The following UNG variants were observed in gnomAD, a reference collection of about 807,000 sequenced individuals.
UNG encodes uracil-DNA glycosylase.
In UNG, 34 loss-of-function variants were observed where a neutral mutation model predicts 36.5. The ratio of observed to expected loss-of-function variants is 0.93; its 90% CI spans 0.71 to 1.24. The LOEUF is 1.24. UNG is among the 50% of genes most tolerant of loss of function. The probability of loss-of-function intolerance (pLI) is 0.00; values close to 1 mark genes in which losing one functional copy is unlikely to be tolerated. For missense variants in UNG, 391 were observed against 397.6 expected, an observed-to-expected ratio of 0.98 and a Z score of 0.14; for synonymous variants, 172 against 157.8, an observed-to-expected ratio of 1.09 and a Z score of -0.67.
At chr12:109,106,921 A>ATATATATGTG (rs2042221453) in intron 6 of UNG, among the ~76,000 whole-genome samples, 2 of 39,414 alleles carry the variant, frequency 5.1e-5, no homozygotes, top group African/African-American at 2.4e-4. Flanking sequence ...ATATATGTGT[A>ATATATATGTG]TATATATATA....
intron 4 of UNG, 126 bp downstream of exon 4, chr12:109,102,125 G>A: frequency 1.2e-6 from 1 of 837,664 alleles, no homozygotes; most frequent in Non-Finnish European, 2.0e-6. Context: ...CTCGGCCTCA[G>A]CACCATTGAC....
intron 6 of UNG, among the ~76,000 whole-genome samples, chr12:109,109,180 TGAG>T (rs890741651): frequency 5.9e-5 from 9 of 152,176 alleles, no homozygotes; most frequent in African/African-American, 1.2e-4. Flanking sequence ...GTTAATAAGT[TGAG>T]GAGTTTATCT....
rs754041228 is a variant in UNG at position 109,099,160 on chromosome 12, A to AT, written c.340-25dup. ...TCTTATGGTTTCCAATGAGAATCTG[A>AT]TTTTAAGTCTAGTTTATCTTTAAAT... On this transcript the variant is annotated intron_variant, in intron 2 of 6. Transcript: ENST00000242576. The AT allele has an allele frequency of 1.9e-6, 3 of 1,593,874 alleles. No homozygotes were observed. The African/African-American group carries it at 4.0e-5, about 21-fold the overall frequency.
intron 6 of UNG, among the ~76,000 whole-genome samples, chr12:109,104,453 T>A (rs1181692652): frequency 4.6e-5 from 7 of 152,088 alleles, no homozygotes; most frequent in Non-Finnish European, 1.0e-4. Context: ...CCTCCCTCTT[T>A]CCCTTCACTC....
rs1555265461 is a variant in UNG, at chr12:109,109,781, A to AAAAAT, written c.802-48_802-47insAAAAT. Reference sequence around the variant, plus strand: ...TCTGTCTCAAAAAAAAAAAAAAAAAATTTAAAAAGTCCCAAATCTGCCACC... The same window carrying AAAAAT: ...TCTGTCTCAAAAAAAAAAAAAAAAAAAAAATTTTAAAAAGTCCCAAATCTGCCACC... On this transcript the variant is annotated intron_variant, in intron 6 of 6. Transcript: ENST00000242576. The AAAAAT allele has an allele frequency of 0.01, 16,273 of 1,563,444 alleles. 737 individuals carry two copies. The African/African-American group carries it at 0.14, about 13-fold the overall frequency.
chr12:109,109,161 A>G (rs1017266318), intron 6 of UNG, among the ~76,000 whole-genome samples: 1 of 152,192 alleles, frequency 6.6e-6, no homozygotes, highest in Non-Finnish European at 1.5e-5. Flanking sequence ...TGTTAACCCC[A>G]TCCATTGTGT....
chr12:109,100,312 G>A (rs972261442), intron 3 of UNG, among the ~76,000 whole-genome samples: 23 of 152,156 alleles, frequency 1.5e-4, no homozygotes, highest in Non-Finnish European at 2.9e-5. Flanking sequence ...GAGCTGCTAC[G>A]ATGCATTTAG....
chr12:109,102,741 G>GTA, intron 4 of UNG, 98 bp from the exon 5 acceptor site: 1 of 996,646 alleles, frequency 1.0e-6, no homozygotes, highest in South Asian at 1.3e-5. Context: ...AGGGCTGGCT[G>GTA]TAACTTCTAA....
In UNG at chr12:109,109,918, T is replaced by G; in HGVS notation, c.891T>G (p.Asn297Lys). 2 of 1,614,144 alleles carry G rather than the reference T, an allele frequency of 1.2e-6. No homozygotes were observed. Among genetic ancestry groups the G allele is most frequent in the Non-Finnish European group, 1.7e-6 (2 of 1,180,038 alleles). The part of the protein sequence containing the change: ...FFGCRHFSKT[N>K]ELLQKSGKKP... ...GATGTAGACACTTTTCAAAGACCAA[T>G]GAGCTGCTGCAGAAGTCTGGCAAGA... Residue 297 changes from asparagine to lysine, a missense_variant, in exon 7 of 7, where the codon AAT becomes AAG. Transcript: ENST00000242576.
chr12:109,108,299 T>A (rs906315881), intron 6 of UNG, among the ~76,000 whole-genome samples: 1 of 152,216 alleles, frequency 6.6e-6, no homozygotes, highest in African/African-American at 2.4e-5. Flanking sequence ...ATAACCATAC[T>A]TTGAGCACTC....
At chr12:109,098,408 C>A in intron 1 of UNG, 24 bp from the exon 2 acceptor site, 3 of 1,602,858 alleles carry the variant, frequency 1.9e-6, no homozygotes, top group Non-Finnish European at 2.6e-6. Flanking sequence ...GCTCTTGAGC[C>A]GCCTCTGCGG....
chr12:109,098,013 C>T, intron 1 of UNG: 3 of 1,283,590 alleles, frequency 2.3e-6, no homozygotes, highest in Admixed American at 6.2e-5. Flanking sequence ...GAACGCGTCT[C>T]GGGGCCCATG....
intron 4 of UNG, among the ~76,000 whole-genome samples, chr12:109,102,210 C>T (rs1451003059): frequency 6.6e-6 from 1 of 152,166 alleles, no homozygotes; most frequent in African/African-American, 2.4e-5. Context: ...GTGCCACATC[C>T]CTGGCCTCTA....
chr12:109,100,958 C>T (rs3219221), intron 3 of UNG, among the ~76,000 whole-genome samples: 1,716 of 152,018 alleles, frequency 0.011, 34 homozygotes, highest in African/African-American at 0.038. Flanking sequence ...CAACACCTCC[C>T]GTGACAGGAA....
At position 109,098,462 on chromosome 12, in the gene UNG, CAGG is replaced by C; in HGVS notation, c.169_171del (p.Glu57del). 1.2e-6 allele frequency: 2 copies of C among 1,611,318 alleles called. No homozygotes were observed. Among genetic ancestry groups the C allele is most frequent in the Non-Finnish European group, 1.7e-6 (2 of 1,179,088 alleles). On this transcript the variant is annotated inframe_deletion, in exon 2 of 7. Transcript: ENST00000242576. The stretch of plus-strand genomic sequence containing the variant: ...CCCAGCCAAGAAGGCCCCGGCTGGG[CAGG>C]AGGAGCCTGGGACGCCGCCCTCCTC...
chr12:109,102,837 A>T lies in UNG; in HGVS notation c.534-2A>T. On this transcript the variant is annotated splice_acceptor_variant, in intron 4 of 6. Coordinates refer to ENST00000242576, the MANE Select transcript of UNG (RefSeq NM_080911.3). LOFTEE classifies it high-confidence loss of function. ...TTTGTTTTTCTTGTGGCTTGCTTTCAGTTTGGAGAACATTTATAAAGAGTT... is the reference window on the plus strand; with the variant it reads ...TTTGTTTTTCTTGTGGCTTGCTTTCTGTTTGGAGAACATTTATAAAGAGTT... The T allele has an allele frequency of 6.2e-7, 1 of 1,611,506 alleles. No individual in the cohort carries two copies. Among genetic ancestry groups the T allele is most frequent in the Non-Finnish European group, 8.5e-7 (1 of 1,178,122 alleles).
Position 109,097,648 on chromosome 12 carries a change from T to G in UNG, c.-32T>G. On this transcript the variant is annotated 5_prime_UTR_variant, in exon 1 of 7. Coordinates refer to ENST00000242576, the MANE Select transcript of UNG (RefSeq NM_080911.3). The stretch of plus-strand genomic sequence containing the variant: ...AGGGCTAGCCTCGCCGGTTCCCGGG[T>G]GGCGCGCGTTCGCTGCCTCCTCAGC... 1.3e-6 allele frequency: 2 copies of G among 1,598,884 alleles called. No individual in the cohort carries two copies. Among genetic ancestry groups the G allele is most frequent in the Non-Finnish European group, 1.7e-6 (2 of 1,172,772 alleles).
chr12:109,105,277 A>G (rs1225320276), intron 6 of UNG: 2 of 152,194 alleles, frequency 1.3e-5, no homozygotes, highest in Non-Finnish European at 2.9e-5. Flanking sequence ...GTAGGCATAC[A>G]CTTGTATGAG....
In UNG at chr12:109,103,418, C is replaced by A. The variant is rs780850116; in HGVS notation, c.623-15C>A. 12 of 1,613,558 alleles carry A rather than the reference C, an allele frequency of 7.4e-6. No homozygotes were observed. The highest frequency in any genetic ancestry group is 4.0e-5 in the African/African-American group (3 of 74,892). On this transcript the variant is annotated splice_polypyrimidine_tract_variant and intron_variant, in intron 5 of 6. Transcript: ENST00000242576. ...GCCTGAGCCTACATTTAACCTGTTT[C>A]TCTCATGTGTATAGGTGTTCTCCTT...
Sources: allele counts gnomAD v4.1 joint callset (sites outside exome capture counted in the v4.1 genomes callset), GRCh38; gene constraint gnomAD v4.1.1; transcripts MANE v1.5; gene names NCBI Gene and HGNC (gene_info 2026-07-23, HGNC 2026-07-21).